Variants in TEX11 observed in about 807,000 individuals in gnomAD.
TEX11 encodes the protein testis-expressed protein 11.
A neutral mutation model predicts 84.4 loss-of-function variants in TEX11; 7 were observed. The ratio of observed to expected loss-of-function variants is 0.08; its 90% CI spans 0.05 to 0.16. The LOEUF is 0.16. Ranked by LOEUF, TEX11 falls within the 10% of genes least tolerant of loss-of-function variation. TEX11 has a pLI of 1.00. For synonymous variants in TEX11, 264 were observed against 222.8 expected (o/e 1.18, Z -1.64); for missense variants, 551 against 660.5 (o/e 0.83, Z 1.82).
intron 24 of TEX11, among the ~76,000 whole-genome samples, chrX:70,601,039 G>A: frequency 8.4e-5 from 1 of 11,949 alleles, no homozygotes; most frequent in African/African-American, 3.1e-4. Context: ...GAAGGAAATA[G>A]AGACACAAAA....
chrX:70,599,526 T>G (rs1483770633), intron 24 of TEX11, among the ~76,000 whole-genome samples: 2 of 111,583 alleles, frequency 1.8e-5, no homozygotes, highest in Non-Finnish European at 3.8e-5. Context: ...ATTCTTTTTT[T>G]TTTATTATTA....
At chrX:70,527,599 G>C (rs914680738), downstream of TEX11, among the ~76,000 whole-genome samples, 1 of 111,654 alleles carries the variant, frequency 9.0e-6, no homozygotes, top group Non-Finnish European at 1.9e-5. Flanking sequence ...CTGAACTTAG[G>C]AAGGACTTTA....
At chrX:70,845,966 T>C (rs183578082) in intron 7 of TEX11, 24 of 111,945 alleles carry the variant, frequency 2.1e-4, no homozygotes. Flanking sequence ...CATATTAAAA[T>C]GATATGTGTT....
At chrX:70,701,972 T>C (rs1364066446) in intron 13 of TEX11, among the ~76,000 whole-genome samples, 1 of 112,110 alleles carries the variant, frequency 8.9e-6, no homozygotes, top group Non-Finnish European at 1.9e-5. Context: ...TTGCTTCTTA[T>C]GGATGAATAA....
chrX:70,603,580 G>A (rs1036164611), intron 24 of TEX11, among the ~76,000 whole-genome samples: 19 of 110,331 alleles, frequency 1.7e-4, no homozygotes, highest in Admixed American at 1.9e-4. Context: ...TTAAACATTC[G>A]ACCTAAAACC....
intron 13 of TEX11, among the ~76,000 whole-genome samples, chrX:70,684,301 A>C (rs1263949423): frequency 1.8e-5 from 2 of 112,632 alleles, no homozygotes; most frequent in Non-Finnish European, 3.7e-5. Context: ...AAATATATAA[A>C]ATAGTTGGGC....
At chrX:70,781,765 G>GA (rs1271168671) in intron 9 of TEX11, among the ~76,000 whole-genome samples, 1 of 111,291 alleles carries the variant, frequency 9.0e-6, no homozygotes, top group Admixed American at 9.6e-5. Context: ...CAAGTTTAGA[G>GA]AAAAAAGAGT....
At chrX:70,888,333 G>A (rs982980394) in intron 2 of TEX11, among the ~76,000 whole-genome samples, 1 of 112,497 alleles carries the variant, frequency 8.9e-6, no homozygotes, top group Non-Finnish European at 1.9e-5. Context: ...ATATAACACA[G>A]AGAAGGAATT....
At chrX:70,579,530 A>AC (rs370154205) in intron 25 of TEX11, among the ~76,000 whole-genome samples, 21,517 of 103,005 alleles carry the variant, frequency 0.21, 1,859 homozygotes, top group African/African-American at 0.25. Context: ...AAAAAAAAAA[A>AC]AAAACAAAAA....
the TEX11 span, among the ~76,000 whole-genome samples, chrX:70,521,510 C>T: frequency 0.015 from 1,659 of 111,609 alleles, 23 homozygotes; most frequent in African/African-American, 0.05. Flanking sequence ...CTCCTGACCT[C>T]AGGTGATCTG....
intron 9 of TEX11, among the ~76,000 whole-genome samples, chrX:70,764,232 G>A (rs200201586): frequency 8.9e-6 from 1 of 111,883 alleles, no homozygotes; most frequent in African/African-American, 3.2e-5. Flanking sequence ...CTGAGTGACC[G>A]TGGGTCAATG....
intron 9 of TEX11, among the ~76,000 whole-genome samples, chrX:70,744,936 G>A (rs1259548383): frequency 9.3e-6 from 1 of 107,593 alleles, no homozygotes; most frequent in Non-Finnish European, 1.9e-5. Flanking sequence ...GGCCAGGTTG[G>A]TCTCGAACTC....
At chrX:70,596,038 C>A (rs1023186190) in intron 24 of TEX11, among the ~76,000 whole-genome samples, 1 of 109,544 alleles carries the variant, frequency 9.1e-6, no homozygotes, top group Non-Finnish European at 1.9e-5. Flanking sequence ...TTACTAGGAA[C>A]AAAGAGGAAA....
At chrX:70,654,709 C>CAAA (rs56822297) in intron 16 of TEX11, among the ~76,000 whole-genome samples, 90 of 37,578 alleles carry the variant, frequency 2.4e-3, no homozygotes, top group Non-Finnish European at 2.6e-3. Flanking sequence ...GACTCTGTCT[C>CAAA]AAAAAAAAAA....
chrX:70,512,236 C>A, the TEX11 span, among the ~76,000 whole-genome samples: 25,568 of 106,030 alleles, frequency 0.24, 4,828 homozygotes, highest in African/African-American at 0.58. Flanking sequence ...TTTTCTTCTT[C>A]TTATTATTAT....
chrX:70,728,562 A>G (rs189183410), intron 11 of TEX11, among the ~76,000 whole-genome samples: 2 of 96,391 alleles, frequency 2.1e-5, no homozygotes, highest in African/African-American at 3.7e-5. Flanking sequence ...AGCCTCGCTC[A>G]TTGCTAGCAC....
chrX:70,763,494 T>C (rs749307251), intron 9 of TEX11, among the ~76,000 whole-genome samples: 24 of 110,429 alleles, frequency 2.2e-4, no homozygotes, highest in Non-Finnish European at 3.8e-4. Context: ...TTGGGTACAG[T>C]GTACACTGCT....
chrX:70,773,178 A>C (rs1263918444), intron 9 of TEX11, among the ~76,000 whole-genome samples: 1 of 110,697 alleles, frequency 9.0e-6, no homozygotes, highest in Non-Finnish European at 1.9e-5. Flanking sequence ...AGCCCAAAGA[A>C]AGCCAAATAA....
At chrX:70,834,361 C>A (rs752592105) in intron 7 of TEX11, among the ~76,000 whole-genome samples, 4 of 111,186 alleles carry the variant, frequency 3.6e-5, no homozygotes, top group Non-Finnish European at 5.6e-5. Flanking sequence ...CTGCAGGGTT[C>A]CTTTCAGTTC....
Sources: gnomAD v4.1 joint callset for allele counts (sites outside exome capture counted in the v4.1 genomes callset) on GRCh38, gnomAD v4.1.1 for gene constraint, MANE v1.5 for transcripts, NCBI Gene and HGNC (gene_info 2026-07-23, HGNC 2026-07-21) for gene names.